CDH23: variants seen among roughly 807,000 people sequenced by gnomAD.
CDH23 encodes the protein cadherin-23.
CDH23 carries 189 observed loss-of-function variants against 317.1 expected under a neutral mutation model. The ratio of observed to expected loss-of-function variants is 0.60; its 90% confidence interval spans 0.53 to 0.67. The LOEUF (loss-of-function observed/expected upper bound fraction) is 0.67, where lower values mean the gene tolerates loss of function less well. CDH23 is among the 30% of genes least tolerant of loss of function. CDH23 has a pLI of 0.00. For synonymous variants in CDH23, 1,839 were observed against 1,876.8 expected, an observed-to-expected ratio of 0.98 and a Z score of 0.52; for missense variants, 4,401 against 4,592.4, an observed-to-expected ratio of 0.96 and a Z score of 1.20.
Position 71,602,743 on chromosome 10 carries a change from A to G in CDH23, c.833-12761A>G, listed in dbSNP as rs74579002. On this transcript the variant is annotated intron_variant, in intron 9 of 69. Coordinates refer to ENST00000224721, the MANE Select transcript of CDH23 (RefSeq NM_022124.6). ...ACCTGCCCCAGGCACCCAGTTCACC[A>G]TCTTTGACGCATCCTGACATGGGTT... Among the ~76,000 whole-genome samples, 1,179 of 152,232 alleles carry G rather than the reference A, an allele frequency of 7.7e-3. 11 individuals are homozygous for G. Among genetic ancestry groups the G allele is most frequent in the African/African-American group, 0.027 (1,121 of 41,524 alleles).
intron 38 of CDH23, among the ~76,000 whole-genome samples, chr10:71,769,825 A>G (rs1036149321): frequency 3.9e-5 from 6 of 152,252 alleles, no homozygotes; most frequent in African/African-American, 1.4e-4. Flanking sequence ...GATGGTGGCC[A>G]CTGTCTTTGT....
At chr10:71,588,457 G>C (rs1474148557) in intron 9 of CDH23, among the ~76,000 whole-genome samples, 1 of 151,976 alleles carries the variant, frequency 6.6e-6, no homozygotes, top group Non-Finnish European at 1.5e-5. Flanking sequence ...TACAAGTAAA[G>C]CTCTCAAAAC....
At chr10:71,447,509 G>T (rs532815768) in intron 3 of CDH23, among the ~76,000 whole-genome samples, 1 of 152,094 alleles carries the variant, frequency 6.6e-6, no homozygotes, top group Non-Finnish European at 1.5e-5. Flanking sequence ...CTGGCTGTTT[G>T]TTGTGGGGAT....
rs1862922813 is a variant in CDH23 at position 71,646,946 on chromosome 10, G to A, written c.1449+329G>A. 2.0e-6 allele frequency: 2 copies of A among 985,206 alleles called. 1 individual carries two copies. The highest frequency in any genetic ancestry group is 9.4e-5 in the South Asian group (2 of 21,272). The allele number at this position is 985,206 out of a possible 1,614,324, so 61.0% of individuals were successfully genotyped here. ...CCCTCAAATGGGTGGGAAGGTGCCA[G>A]CCATCCTTGAGAAGGGCAACCCTCT... On this transcript the variant is annotated intron_variant, in intron 14 of 69. Transcript: ENST00000224721.
intron 14 of CDH23, among the ~76,000 whole-genome samples, chr10:71,674,452 G>C (rs1397997907): frequency 6.6e-6 from 1 of 152,216 alleles, no homozygotes; most frequent in Non-Finnish European, 1.5e-5. Flanking sequence ...TCAGTCTGAG[G>C]CCTTTCCCTA....
At chr10:71,555,677 A>G (rs560966961) in intron 6 of CDH23, among the ~76,000 whole-genome samples, 15 of 152,322 alleles carry the variant, frequency 9.8e-5, no homozygotes, top group South Asian at 8.3e-4. Context: ...TTCATTCTAC[A>G]GGAAGGTCAC....
In CDH23 at chr10:71,809,561, C is replaced by T. The variant is rs4747199; in HGVS notation, c.8723-259C>T. On this transcript the variant is annotated intron_variant, in intron 60 of 69. Coordinates refer to ENST00000224721, the MANE Select transcript of CDH23 (RefSeq NM_022124.6). ...CTCAGGGGGCTCAGAAATGGTCCTT[C>T]GCACCCTAGCATGGGACAACAGAGT... is the stretch of plus-strand genomic sequence containing the variant. 0.33 allele frequency among the ~76,000 whole-genome samples: 49,758 copies of T among 151,996 alleles called. 8,628 individuals are homozygous for T. Among genetic ancestry groups the T allele is most frequent in the East Asian group, 0.62 (3,171 of 5,156 alleles).
chr10:71,797,100 A>G lies in CDH23; in HGVS notation c.6713-4A>G. On this transcript the variant is annotated splice_polypyrimidine_tract_variant and splice_region_variant and intron_variant, in intron 48 of 69. Transcript: ENST00000224721. ...GGCTGAACCTGGCCTGGTCTGGTCC[A>G]CAGGATCTGTAATGGTGAAGTCCCC... is the stretch of plus-strand genomic sequence containing the variant. 6.9e-6 allele frequency: 11 copies of G among 1,604,388 alleles called. No individual in the cohort carries two copies. Among genetic ancestry groups the G allele is most frequent in the Non-Finnish European group, 7.7e-6 (9 of 1,172,176 alleles).
intron 23 of CDH23, 117 bp downstream of exon 23, chr10:71,702,328 G>A: frequency 1.6e-6 from 2 of 1,224,234 alleles, no homozygotes; most frequent in East Asian, 2.3e-5. Context: ...ATCACCAAGA[G>A]TAGAGTAATA....
At position 71,711,472 on chromosome 10, in the gene CDH23, C is replaced by T. The variant is rs1251250143; in HGVS notation, c.3221-1193C>T. Among the ~76,000 whole-genome samples the T allele has an allele frequency of 4.6e-5, 7 of 152,222 alleles. No homozygotes were observed. The East Asian group carries it at 1.2e-3, about 25-fold the overall frequency. ...TGACCACTCTTGCCTGGACATGCAG[C>T]GCTGGTTACAAGCTCCTTCCTCCAG... On this transcript the variant is annotated intron_variant, in intron 27 of 69. Coordinates refer to ENST00000224721, the MANE Select transcript of CDH23 (RefSeq NM_022124.6).
rs540966817 is a variant in CDH23 at position 71,720,024 on chromosome 10, C to T, written c.3370-4021C>T. On this transcript the variant is annotated intron_variant, in intron 28 of 69. Coordinates refer to ENST00000224721, the MANE Select transcript of CDH23 (RefSeq NM_022124.6). ...CAGGGGGAGGGTTTTACTGCCTCTG[C>T]GGCCCCATGGCGCTCACCTTCCCCT... Among the ~76,000 whole-genome samples, 221 of 152,348 alleles carry T rather than the reference C, an allele frequency of 1.5e-3. 1 individual carries two copies. The highest frequency in any genetic ancestry group is 4.9e-3 in the African/African-American group (203 of 41,582).
chr10:71,489,594 GGTGT>G (rs34392048), intron 3 of CDH23, among the ~76,000 whole-genome samples: 5,805 of 139,824 alleles, frequency 0.042, 242 homozygotes, highest in African/African-American at 0.11. Context: ...AGTGCCTCGG[GGTGT>G]GTGTGTGTGT....
Position 71,550,548 on chromosome 10 carries a change from A to C in CDH23, c.430-16194A>C, listed in dbSNP as rs531998330. Among the ~76,000 whole-genome samples, 351 of 134,724 alleles carry C rather than the reference A, an allele frequency of 2.6e-3. 3 individuals are homozygous for C. The highest frequency in any genetic ancestry group is 9.5e-3 in the African/African-American group (334 of 35,336). 88.4% of individuals were successfully genotyped at this position (134,724 alleles called of 152,430 possible). A position where few individuals can be genotyped will look rare whatever the true frequency, so the allele number is the denominator to read the frequency against. ...GCACTTTACCCTGGGCAACAGAGTG[A>C]GACCCTGTCTCAAAAAAAAAAAAAA... On this transcript the variant is annotated intron_variant, in intron 6 of 69. Transcript: ENST00000224721.
chr10:71,427,537 T>G (rs1452825158), intron 1 of CDH23, among the ~76,000 whole-genome samples: 1 of 152,150 alleles, frequency 6.6e-6, no homozygotes, highest in Non-Finnish European at 1.5e-5. Flanking sequence ...TATACCACAT[T>G]TTGTTTATTC....
intron 47 of CDH23, 58 bp downstream of exon 47, chr10:71,791,393 G>A: frequency 1.4e-6 from 2 of 1,474,856 alleles, no homozygotes; most frequent in Non-Finnish European, 1.9e-6. Flanking sequence ...TGGTCACAGG[G>A]GACTGGAGCC....
At chr10:71,556,518 T>C (rs1475204925) in intron 6 of CDH23, among the ~76,000 whole-genome samples, 1 of 151,950 alleles carries the variant, frequency 6.6e-6, no homozygotes, top group Non-Finnish European at 1.5e-5. Context: ...GGAGAATTGC[T>C]TGAACCTGGG....
intron 1 of CDH23, among the ~76,000 whole-genome samples, chr10:71,419,247 A>C (rs1234459375): frequency 6.6e-6 from 1 of 152,094 alleles, no homozygotes; most frequent in African/African-American, 2.4e-5. Context: ...CCTGTCCCAG[A>C]GCTGCTTGTG....
intron 45 of CDH23, among the ~76,000 whole-genome samples, chr10:71,790,079 C>T (rs2132947382): frequency 6.6e-6 from 1 of 152,326 alleles, no homozygotes. Flanking sequence ...TGTTTTCTCC[C>T]CAGCAGGGCT....
chr10:71,559,674 G>A (rs2132337371), intron 6 of CDH23, among the ~76,000 whole-genome samples: 1 of 152,356 alleles, frequency 6.6e-6, no homozygotes, highest in South Asian at 2.1e-4. Context: ...GGGGAGACCA[G>A]CTTAGGCCCA....
Sources: gnomAD v4.1 joint callset for allele counts (sites outside exome capture counted in the v4.1 genomes callset) on GRCh38, gnomAD v4.1.1 for gene constraint, MANE v1.5 for transcripts, NCBI Gene and HGNC (gene_info 2026-07-23, HGNC 2026-07-21) for gene names.